RBFOX1: variants seen among roughly 807,000 people sequenced by gnomAD.
RBFOX1 encodes RNA binding fox-1 homolog 1.
A neutral mutation model predicts 57.7 loss-of-function variants in RBFOX1; 8 were observed. The observed-to-expected ratio is 0.14, with a 90% CI of 0.08 to 0.25. RBFOX1 has a LOEUF of 0.25. Among genes scored for constraint, RBFOX1 ranks in the 10% least tolerant of loss-of-function variants. RBFOX1 has a pLI of 1.00. For synonymous variants in RBFOX1, 326 were observed against 222.4 expected, an observed-to-expected ratio of 1.47 and a Z score of -4.15; for missense variants, 611 against 548.5, an observed-to-expected ratio of 1.11 and a Z score of -1.14.
chr16:6,048,751 C>T (rs1217898860), intron 1 of RBFOX1, among the ~76,000 whole-genome samples: 2 of 152,040 alleles, frequency 1.3e-5, no homozygotes, highest in East Asian at 3.9e-4. Flanking sequence ...ATATTAAAAC[C>T]TATAAGAGGT....
intron 3 of RBFOX1, among the ~76,000 whole-genome samples, chr16:6,965,385 C>T (rs2083910633): frequency 6.6e-6 from 1 of 151,302 alleles, no homozygotes; most frequent in South Asian, 2.1e-4. Context: ...GTCTGTTTCC[C>T]AGGCTGTAGT....
intron 4 of RBFOX1, among the ~76,000 whole-genome samples, chr16:5,919,577 G>A (rs543833848): frequency 1.6e-4 from 24 of 152,218 alleles, no homozygotes; most frequent in African/African-American, 5.5e-4. Context: ...CTCCCGACCC[G>A]AGGTGATCCG....
chr16:6,225,996 C>A (rs1007870449), intron 1 of RBFOX1, among the ~76,000 whole-genome samples: 8 of 152,110 alleles, frequency 5.3e-5, no homozygotes, highest in African/African-American at 1.9e-4. Flanking sequence ...TGTAACAATT[C>A]TAAGGATGTT....
At chr16:6,743,322 G>A (rs987139983) in intron 3 of RBFOX1, among the ~76,000 whole-genome samples, 2 of 152,156 alleles carry the variant, frequency 1.3e-5, no homozygotes, top group African/African-American at 4.8e-5. Flanking sequence ...ACCTAATTCT[G>A]TCAATCACAT....
rs71147642 is a variant in RBFOX1 at position 7,054,213 on chromosome 16, C to CGGG, written c.27+2125_27+2127dup. 1.9e-3 allele frequency among the ~76,000 whole-genome samples: 33 copies of CGGG among 17,824 alleles called. 4 individuals carry two copies. The highest frequency in any genetic ancestry group is 0.012 in the African/African-American group (27 of 2,168). The allele number at this position is 17,824 out of a possible 152,430, so 11.7% of individuals were successfully genotyped here. On this transcript the variant is annotated intron_variant, in intron 4 of 15. Transcript: ENST00000550418. Reference sequence around the variant, plus strand: ...CCCTTATTAAGGTGATTTTTTTTTTCGGGGGGGGGGGGCGGGGAGCTTTTT... The same window carrying CGGG: ...CCCTTATTAAGGTGATTTTTTTTTTCGGGGGGGGGGGGGGGCGGGGAGCTTTTT...
chr16:5,930,906 A>T (rs1020645259), intron 4 of RBFOX1, among the ~76,000 whole-genome samples: 3 of 88,276 alleles, frequency 3.4e-5, no homozygotes, highest in African/African-American at 4.5e-5. Flanking sequence ...GGATGCATGG[A>T]TGGGTGCATG....
chr16:5,873,150 C>T (rs2057517287), intron 4 of RBFOX1, among the ~76,000 whole-genome samples: 1 of 150,738 alleles, frequency 6.6e-6, no homozygotes, highest in Admixed American at 6.6e-5. Context: ...GACTCCATCT[C>T]AAAACAAAGA....
chr16:5,505,223 C>G (rs7191395), intron 2 of RBFOX1, among the ~76,000 whole-genome samples: 65,361 of 152,074 alleles, frequency 0.43, 17,949 homozygotes, highest in African/African-American at 0.78. Context: ...TTCTCCTCTA[C>G]TTAAAACCTG....
intron 3 of RBFOX1, among the ~76,000 whole-genome samples, chr16:6,733,849 G>A (rs936424889): frequency 2.0e-5 from 3 of 152,210 alleles, no homozygotes; most frequent in Admixed American, 2.0e-4. Context: ...TCACTCCAGA[G>A]CTGACGTTCA....
intron 5 of RBFOX1, among the ~76,000 whole-genome samples, chr16:7,571,609 A>C (rs2152774489): frequency 6.6e-6 from 1 of 152,238 alleles, no homozygotes; most frequent in African/African-American, 2.4e-5. Flanking sequence ...TTGTGTATTA[A>C]GAAAAATTCT....
chr16:7,072,359 C>T (rs569875964), intron 4 of RBFOX1, among the ~76,000 whole-genome samples: 1 of 152,248 alleles, frequency 6.6e-6, no homozygotes, highest in African/African-American at 2.4e-5. Flanking sequence ...CTGTTATTCC[C>T]TCGTTTGTTT....
intron 2 of RBFOX1, among the ~76,000 whole-genome samples, chr16:5,555,730 C>A (rs1350922315): frequency 6.6e-6 from 1 of 151,846 alleles, no homozygotes. Flanking sequence ...TTTGAAAGAC[C>A]CTCTCCCTCG....
intron 1 of RBFOX1, among the ~76,000 whole-genome samples, chr16:5,378,988 C>A (rs1379861964): frequency 6.6e-6 from 1 of 151,600 alleles, no homozygotes; most frequent in Non-Finnish European, 1.5e-5. Context: ...AGAAATCCTT[C>A]CTTGGGCTCA....
intron 2 of RBFOX1, among the ~76,000 whole-genome samples, chr16:6,524,934 T>G (rs978311371): frequency 1.3e-5 from 2 of 152,300 alleles, no homozygotes; most frequent in South Asian, 2.1e-4. Context: ...TCATCTTAAC[T>G]AATTATATCG....
chr16:7,066,138 A>G (rs1160331113), intron 4 of RBFOX1, among the ~76,000 whole-genome samples: 1 of 152,228 alleles, frequency 6.6e-6, no homozygotes, highest in Non-Finnish European at 1.5e-5. Context: ...GCACAAACAA[A>G]TGCTAAGCAA....
chr16:6,472,889 T>A (rs1203278568), intron 2 of RBFOX1, among the ~76,000 whole-genome samples: 2 of 152,056 alleles, frequency 1.3e-5, no homozygotes, highest in Non-Finnish European at 2.9e-5. Context: ...CCTCCCAAAG[T>A]GCTGGGATTA....
intron 2 of RBFOX1, among the ~76,000 whole-genome samples, chr16:6,628,525 T>C (rs182137647): frequency 2.0e-5 from 3 of 152,344 alleles, no homozygotes; most frequent in East Asian, 1.9e-4. Context: ...TTATCTCTTA[T>C]ATATCCATCA....
intron 12 of RBFOX1, among the ~76,000 whole-genome samples, chr16:7,663,921 A>C (rs17144513): frequency 0.17 from 25,170 of 152,046 alleles, 2,590 homozygotes; most frequent in East Asian, 0.4. Flanking sequence ...GTTTTACTCA[A>C]AGCATACCAA....
intron 3 of RBFOX1, chr16:6,983,827 G>C (rs1448171689): frequency 6.6e-6 from 1 of 152,490 alleles, no homozygotes; most frequent in Non-Finnish European, 1.5e-5. Context: ...CTGTGGACAA[G>C]ACATTAGGCT....
Sources: gnomAD v4.1 joint callset for allele counts (sites outside exome capture counted in the v4.1 genomes callset) on GRCh38, gnomAD v4.1.1 for gene constraint, MANE v1.5 for transcripts, NCBI Gene and HGNC (gene_info 2026-07-23, HGNC 2026-07-21) for gene names.